IL4R: variants seen among roughly 807,000 people sequenced by gnomAD.
IL4R encodes the protein interleukin-4 receptor subunit alpha.
A neutral mutation model predicts 41.5 loss-of-function variants in IL4R; 17 were observed. The observed-to-expected ratio is 0.41, with a 90% CI of 0.28 to 0.61. The LOEUF (loss-of-function observed/expected upper bound fraction) is 0.61, where lower values mean the gene tolerates loss of function less well. IL4R is among the 20% of genes least tolerant of loss of function. IL4R has a pLI of 0.31. For missense variants in IL4R, 974 were observed against 1,043.1 expected (o/e 0.93, Z 0.91); for synonymous variants, 402 against 422.9 (o/e 0.95, Z 0.61).
chr16:27,322,580 TGCACCTGTAGTTCCA>T (rs2084845802), intron 1 of IL4R, among the ~76,000 whole-genome samples: 1 of 152,092 alleles, frequency 6.6e-6, no homozygotes, highest in South Asian at 2.1e-4. Flanking sequence ...TGTGGTGGCG[TGCACCTGTAGTTCCA>T]GCTACTTGGG....
rs1340900722 is a variant in IL4R at position 27,363,247 on chromosome 16, A to T, written c.1895A>T (p.Lys632Met). The T allele has an allele frequency of 4.4e-6, 7 of 1,604,270 alleles. No homozygotes were observed. Among genetic ancestry groups the T allele is most frequent in the Non-Finnish European group, 6.0e-6 (7 of 1,174,754 alleles). The part of the protein sequence containing the change: ...FGASSGEEGY[K>M]PFQDLIPGCP... ...GCTAGCAGTGGGGAAGAGGGGTATAAGCCTTTCCAAGACCTCATTCCTGGC... is the reference window on the plus strand; with the variant it reads ...GCTAGCAGTGGGGAAGAGGGGTATATGCCTTTCCAAGACCTCATTCCTGGC... Residue 632 changes from lysine to methionine, a missense_variant, in exon 11 of 11, where the codon AAG becomes ATG. Lys to Met is a moderately conservative substitution (Grantham distance 95, BLOSUM62 -1). Transcript: ENST00000395762.
At chr16:27,350,266 C>T (rs886578604) in intron 6 of IL4R, among the ~76,000 whole-genome samples, 2 of 152,050 alleles carry the variant, frequency 1.3e-5, no homozygotes, top group Non-Finnish European at 2.9e-5. Flanking sequence ...AAGATTTCTT[C>T]GGTAACTTAC....
chr16:27,324,513 G>A (rs1017131462), intron 1 of IL4R, among the ~76,000 whole-genome samples: 1 of 152,186 alleles, frequency 6.6e-6, no homozygotes, highest in Non-Finnish European at 1.5e-5. Context: ...ATCGACACTG[G>A]CCTTGTGTGA....
intron 1 of IL4R, among the ~76,000 whole-genome samples, chr16:27,320,275 C>CT (rs2084777147): frequency 6.6e-6 from 1 of 152,232 alleles, no homozygotes; most frequent in South Asian, 2.1e-4. Flanking sequence ...AGGGCTCCCA[C>CT]TGATTCTGCA....
At position 27,342,268 on chromosome 16, in the gene IL4R, G is replaced by C. The variant is rs141204698; in HGVS notation, c.209+9G>C. 1.4e-3 allele frequency: 2,277 copies of C among 1,614,146 alleles called. 28 individuals carry two copies. In the African/African-American group the frequency reaches 0.025, roughly 18 times the overall value. The stretch of plus-strand genomic sequence containing the variant: ...GTTTTTCTGCTCTCCGAGTAAGCCT[G>C]CGCTGGAGCTGGAGGTTTGGGGAGG... On this transcript the variant is annotated intron_variant, in intron 4 of 10. Coordinates refer to ENST00000395762, the MANE Select transcript of IL4R (RefSeq NM_000418.4).
At chr16:27,340,119 A>G in intron 2 of IL4R, 67 bp from the exon 3 acceptor site, 1 of 987,802 alleles carries the variant, frequency 1.0e-6, no homozygotes, top group South Asian at 1.4e-5. Flanking sequence ...GGAGGGTTGC[A>G]TATTGAATAA....
At chr16:27,361,102 T>C in intron 10 of IL4R, 7 of 1,246,310 alleles carry the variant, frequency 5.6e-6, no homozygotes, top group Non-Finnish European at 7.3e-6. Flanking sequence ...TTGACCTAAT[T>C]GTATACTTGT....
intron 2 of IL4R, among the ~76,000 whole-genome samples, chr16:27,332,273 T>C (rs2085132309): frequency 6.6e-6 from 1 of 152,024 alleles, no homozygotes; most frequent in Non-Finnish European, 1.5e-5. Context: ...AGGAAACATA[T>C]TATCATGGCG....
At chr16:27,314,257 A>T (rs2084559387) in intron 1 of IL4R, 1 of 376,094 alleles carries the variant, frequency 2.7e-6, no homozygotes, top group Admixed American at 6.4e-5. Flanking sequence ...GCGCTCCCCA[A>T]AGCCGGTGCT....
chr16:27,324,993 C>T (rs2084917817), intron 1 of IL4R, among the ~76,000 whole-genome samples: 1 of 152,160 alleles, frequency 6.6e-6, no homozygotes, highest in Non-Finnish European at 1.5e-5. Flanking sequence ...TCAAACCTGC[C>T]CCCTCTTCGC....
At chr16:27,324,656 T>C (rs1311949915) in intron 1 of IL4R, among the ~76,000 whole-genome samples, 1 of 152,226 alleles carries the variant, frequency 6.6e-6, no homozygotes, top group Non-Finnish European at 1.5e-5. Flanking sequence ...CTGCTGTTCC[T>C]GGGTAGGTGG....
chr16:27,323,472 G>C (rs924054115), intron 1 of IL4R, among the ~76,000 whole-genome samples: 1 of 152,198 alleles, frequency 6.6e-6, no homozygotes, highest in Non-Finnish European at 1.5e-5. Context: ...ACTGTGCTGT[G>C]CACTCCAGAG....
Position 27,345,035 on chromosome 16 carries a change from G to A in IL4R, c.361+15G>A. 1 of 1,602,382 alleles carries A rather than the reference G, an allele frequency of 6.2e-7. No homozygotes were observed. Among genetic ancestry groups the A allele is most frequent in the Non-Finnish European group, 8.5e-7 (1 of 1,173,738 alleles). On this transcript the variant is annotated intron_variant, in intron 5 of 10. Coordinates refer to ENST00000395762, the MANE Select transcript of IL4R (RefSeq NM_000418.4). This position sits in a 1 kb window ranked among gnomAD's most constrained non-coding sequence, Gnocchi z 4.5. ...CAGCGAGCATGGTGAGCAGGGCGGA[G>A]TGCGGCAGGGGTGGCTGGGTGTGTT...
At chr16:27,338,008 G>A (rs1424159777) in intron 2 of IL4R, among the ~76,000 whole-genome samples, 2 of 148,774 alleles carry the variant, frequency 1.3e-5, no homozygotes, top group African/African-American at 2.5e-5. Context: ...CCAGGCTGGA[G>A]TGCAATGGCA....
intron 1 of IL4R, among the ~76,000 whole-genome samples, chr16:27,323,589 T>C (rs1265666393): frequency 3.3e-5 from 5 of 152,066 alleles, no homozygotes; most frequent in Admixed American, 6.5e-5. Flanking sequence ...ATGGAGATGA[T>C]ATTAATTGTA....
chr16:27,359,043 G>T, intron 9 of IL4R, 49 bp downstream of exon 9: 1 of 1,431,240 alleles, frequency 7.0e-7, no homozygotes, highest in Non-Finnish European at 9.8e-7. Context: ...ACATGAAGAA[G>T]TGTGGTTCAG....
At chr16:27,359,238 C>T (rs2086198941) in intron 9 of IL4R, among the ~76,000 whole-genome samples, 1 of 152,158 alleles carries the variant, frequency 6.6e-6, no homozygotes, top group African/African-American at 2.4e-5. Flanking sequence ...CTGTTTTTTT[C>T]CCTCCCCTTG....
rs779044214 is a variant in IL4R at position 27,363,459 on chromosome 16, C to G, written c.2107C>G (p.Leu703Val). The part of the protein sequence containing the change: ...PLPQEQATDP[L>V]VDSLGSGIVY... ...TCCCCAGGAGCAGGCCACAGACCCCCTTGTGGACAGCCTGGGCAGTGGCAT... is the reference window on the plus strand; with the variant it reads ...TCCCCAGGAGCAGGCCACAGACCCCGTTGTGGACAGCCTGGGCAGTGGCAT... Residue 703 changes from leucine to valine, a missense_variant, in exon 11 of 11, where the codon CTT becomes GTT. Leu to Val is a conservative substitution (Grantham distance 32). Around this residue, in one of 3 missense-constraint regions of IL4R, gnomAD observed 682 missense variants for 704.3 expected, o/e 0.97. Transcript: ENST00000395762. 8 of 1,613,984 alleles carry G rather than the reference C, an allele frequency of 5.0e-6. No individual in the cohort carries two copies. Among genetic ancestry groups the G allele is most frequent in the Non-Finnish European group, 6.8e-6 (8 of 1,179,992 alleles).
chr16:27,328,826 A>G (rs2085034295), intron 1 of IL4R, among the ~76,000 whole-genome samples: 1 of 152,188 alleles, frequency 6.6e-6, no homozygotes, highest in African/African-American at 2.4e-5. Context: ...GTCTTTTGTG[A>G]ACCATTTATG....
Sources: gnomAD v4.1 joint callset for allele counts (sites outside exome capture counted in the v4.1 genomes callset) on GRCh38, gnomAD v4.1.1 for gene constraint, gnomAD v4.1.1 regional missense constraint, Gnocchi (gnomAD v3.1) non-coding constraint, MANE v1.5 for transcripts, NCBI Gene and HGNC (gene_info 2026-07-23, HGNC 2026-07-21) for gene names.